SH3KBP1: variants seen among roughly 807,000 people sequenced by gnomAD.
SH3KBP1 encodes SH3 domain-containing kinase-binding protein 1.
Under a neutral mutation model 50.1 loss-of-function variants are expected in SH3KBP1, and 8 were observed. The observed-to-expected ratio is 0.16, with a 90% confidence interval of 0.09 to 0.29. The LOEUF (loss-of-function observed/expected upper bound fraction) is 0.29. Among genes scored for constraint, SH3KBP1 ranks in the 10% least tolerant of loss-of-function variants. The pLI is 1.00. For missense variants in SH3KBP1, 377 were observed against 535.2 expected (o/e 0.70, Z 2.92); for synonymous variants, 227 against 218.6 (o/e 1.04, Z -0.34).
At chrX:19,633,571 C>T (rs1006400777) in intron 7 of SH3KBP1, among the ~76,000 whole-genome samples, 4 of 112,176 alleles carry the variant, frequency 3.6e-5, no homozygotes, top group Middle Eastern at 4.2e-3. Context: ...ATATGACTGC[C>T]AATCTCAAAA....
At chrX:19,716,398 A>C (rs748728235) in intron 3 of SH3KBP1, among the ~76,000 whole-genome samples, 1 of 112,200 alleles carries the variant, frequency 8.9e-6, no homozygotes. Context: ...TGATTTTCAC[A>C]GGGATGTGTA....
At chrX:19,682,668 A>G (rs1247800200) in intron 6 of SH3KBP1, among the ~76,000 whole-genome samples, 1 of 110,729 alleles carries the variant, frequency 9.0e-6, no homozygotes, top group Non-Finnish European at 1.9e-5. Context: ...TGACTCAAAG[A>G]AACTTCAACA....
At chrX:19,859,454 T>C (rs1211834182) in intron 1 of SH3KBP1, among the ~76,000 whole-genome samples, 1 of 112,226 alleles carries the variant, frequency 8.9e-6, no homozygotes, top group South Asian at 3.7e-4. Flanking sequence ...AGCCTGAAAT[T>C]ACTATTTCAA....
At chrX:19,581,331 C>T (rs986595446) in intron 12 of SH3KBP1, among the ~76,000 whole-genome samples, 3 of 111,950 alleles carry the variant, frequency 2.7e-5, no homozygotes, top group East Asian at 2.8e-4. Flanking sequence ...GGGAAACACA[C>T]AAAAATCACA....
At chrX:19,797,847 A>G (rs1293035582) in intron 2 of SH3KBP1, among the ~76,000 whole-genome samples, 1 of 109,329 alleles carries the variant, frequency 9.1e-6, no homozygotes, top group East Asian at 2.9e-4. Flanking sequence ...TATAAAGCAC[A>G]TAGTACAGTT....
At chrX:19,626,942 C>T (rs1020146310) in intron 8 of SH3KBP1, among the ~76,000 whole-genome samples, 1 of 111,322 alleles carries the variant, frequency 9.0e-6, no homozygotes, top group African/African-American at 3.3e-5. Flanking sequence ...ATATTGCTTC[C>T]GTTCCCTTCC....
At chrX:19,783,267 G>C (rs866662880) in intron 2 of SH3KBP1, among the ~76,000 whole-genome samples, 10 of 111,962 alleles carry the variant, frequency 8.9e-5, no homozygotes, top group African/African-American at 2.9e-4. Context: ...CCAGTGTTTT[G>C]TTTAATTGAC....
In SH3KBP1 at chrX:19,569,156, C is replaced by T; in HGVS notation, c.1331G>A (p.Ser444Asn). The T allele has an allele frequency of 8.3e-7, 1 of 1,211,528 alleles. No individual in the cohort carries two copies. The highest frequency in any genetic ancestry group is 1.1e-6 in the Non-Finnish European group (1 of 894,954). ...GDSPKIDLAGSSLSGILDKDL... is the reference protein window; with the variant it reads ...GDSPKIDLAGNSLSGILDKDL... ...TTTGTCCAGGATGCCAGATAGCGAACTGCCGGCCAAGTCAATCTTTGGACT... is the reference window on the plus strand; with the variant it reads ...TTTGTCCAGGATGCCAGATAGCGAATTGCCGGCCAAGTCAATCTTTGGACT... Residue 444 changes from serine (S) to asparagine (N), a missense_variant, in exon 13 of 18, where the codon AGT (serine) becomes AAT (asparagine). Coordinates refer to ENST00000397821, the MANE Select transcript of SH3KBP1 (RefSeq NM_031892.3).
At position 19,545,912 on chromosome X, in the gene SH3KBP1, G is replaced by A. The variant is rs1268283040; in HGVS notation, c.1623+10C>T. 8.3e-7 allele frequency: 1 copy of A among 1,208,360 alleles called. No homozygotes were observed. The highest frequency in any genetic ancestry group is 1.8e-5 in the African/African-American group (1 of 57,029). ...TGACAGGGACACCCTCGCCATGGCTGGTGACTCACTTGGGATATGGTAACA... is the reference window on the plus strand; with the variant it reads ...TGACAGGGACACCCTCGCCATGGCTAGTGACTCACTTGGGATATGGTAACA... On this transcript the variant is annotated intron_variant, in intron 15 of 17. Transcript: ENST00000397821.
intron 6 of SH3KBP1, among the ~76,000 whole-genome samples, chrX:19,674,607 T>C (rs2062882625): frequency 8.9e-6 from 1 of 112,303 alleles, no homozygotes; most frequent in African/African-American, 3.2e-5. Flanking sequence ...GAGGGCCAAC[T>C]ATCATTTGAC....
At chrX:19,782,533 A>G (rs1235584579) in intron 2 of SH3KBP1, among the ~76,000 whole-genome samples, 1 of 111,592 alleles carries the variant, frequency 9.0e-6, no homozygotes, top group Non-Finnish European at 1.9e-5. Context: ...TGAGCAGAGG[A>G]GAGGAAAGGA....
chrX:19,717,246 C>T (rs1392388309), intron 3 of SH3KBP1, among the ~76,000 whole-genome samples: 1 of 111,892 alleles, frequency 8.9e-6, no homozygotes. Flanking sequence ...TCTTACTTGT[C>T]CTTCATACCT....
intron 2 of SH3KBP1, among the ~76,000 whole-genome samples, chrX:19,797,769 G>C (rs975945112): frequency 1.1e-4 from 12 of 110,549 alleles, no homozygotes; most frequent in Non-Finnish European, 2.1e-4. Context: ...GAATTCAATG[G>C]GGGAAAGGGG....
At chrX:19,554,245 T>C (rs769061841) in intron 13 of SH3KBP1, among the ~76,000 whole-genome samples, 2 of 82,035 alleles carry the variant, frequency 2.4e-5, no homozygotes, top group East Asian at 3.4e-4. Flanking sequence ...ATATTATATA[T>C]ATTAAAATAT....
intron 1 of SH3KBP1, among the ~76,000 whole-genome samples, chrX:19,874,063 A>AT (rs1569493267): frequency 4.5e-5 from 4 of 88,450 alleles, no homozygotes; most frequent in African/African-American, 1.9e-4. Context: ...AAAAAAAAAA[A>AT]AAAAAATATA....
At chrX:19,722,531 G>GGTGTGTGTGTGTGTGTGTGTGTGTGT (rs59121045) in intron 3 of SH3KBP1, among the ~76,000 whole-genome samples, 9 of 101,042 alleles carry the variant, frequency 8.9e-5, no homozygotes, top group African/African-American at 3.4e-4. Context: ...CAGCTGCACT[G>GGTGTGTGTGTGTGTGTGTGTGTGTGT]GTGTGTGTGT....
chrX:19,886,405 G>C (rs1024041026), intron 1 of SH3KBP1, among the ~76,000 whole-genome samples: 4 of 112,223 alleles, frequency 3.6e-5, no homozygotes, highest in Admixed American at 9.4e-5. Flanking sequence ...CTGTCAGCAA[G>C]AACATTACCT....
At chrX:19,731,733 G>A (rs768690092) in intron 3 of SH3KBP1, among the ~76,000 whole-genome samples, 1 of 112,007 alleles carries the variant, frequency 8.9e-6, no homozygotes, top group Non-Finnish European at 1.9e-5. Flanking sequence ...TAGGGTATAT[G>A]AGTACAAGCA....
intron 12 of SH3KBP1, chrX:19,588,247 CCA>C: frequency 1.2e-6 from 1 of 801,697 alleles, no homozygotes; most frequent in Non-Finnish European, 1.7e-6. Flanking sequence ...GGGGTCGTAG[CCA>C]CACATGAGAT....
Sources: gnomAD v4.1 joint callset for allele counts (sites outside exome capture counted in the v4.1 genomes callset) on GRCh38, gnomAD v4.1.1 for gene constraint, MANE v1.5 for transcripts, NCBI Gene and HGNC (gene_info 2026-07-23, HGNC 2026-07-21) for gene names.